Variants in EMCN observed in about 807,000 individuals in gnomAD.
EMCN encodes MUC-14.
In EMCN, 37 loss-of-function variants were observed where a neutral mutation model predicts 38.4. The ratio of observed to expected loss-of-function variants is 0.96; its 90% confidence interval spans 0.74 to 1.27. EMCN has a LOEUF of 1.27. Among genes scored for constraint, EMCN ranks in the 50% most tolerant of loss-of-function variants. The pLI is 0.00. For missense variants in EMCN, 318 were observed against 302.8 expected (o/e 1.05, Z -0.37); for synonymous variants, 95 against 100.8 (o/e 0.94, Z 0.35).
chr4:100,417,126 C>T lies in EMCN; in HGVS notation c.680G>A (p.Gly227Glu). 2 of 1,613,742 alleles carry T rather than the reference C, an allele frequency of 1.2e-6. No homozygotes were observed. Among genetic ancestry groups the T allele is most frequent in the Non-Finnish European group, 1.7e-6 (2 of 1,179,752 alleles). ...WKADPGTPEN[G>E]NDQPQSDKES... ...ATATGGGCTTACTTACTGATCATTT[C>T]CATTTTCTGGTGTGCCTAGGAGAAG... Residue 227 changes from glycine (G) to glutamate (E), a missense_variant, in exon 9 of 12, where the codon GGA becomes GAA. By Grantham distance (98) the Gly-to-Glu change is moderately conservative. Transcript: ENST00000296420.
intron 1 of EMCN, among the ~76,000 whole-genome samples, chr4:100,512,806 C>CAA (rs201517827): frequency 4.8e-5 from 4 of 83,440 alleles, no homozygotes; most frequent in Admixed American, 1.4e-4. Context: ...AACTCCATCT[C>CAA]AAAAAAAAAA....
At chr4:100,439,284 C>G (rs1727441832) in intron 5 of EMCN, among the ~76,000 whole-genome samples, 1 of 151,772 alleles carries the variant, frequency 6.6e-6, no homozygotes. Flanking sequence ...CTTCTTTGAT[C>G]TCTTTATTTG....
At chr4:100,464,924 T>C (rs1728274014) in intron 4 of EMCN, among the ~76,000 whole-genome samples, 1 of 152,130 alleles carries the variant, frequency 6.6e-6, no homozygotes, top group Non-Finnish European at 1.5e-5. Flanking sequence ...CTTTACTTTC[T>C]AAAAGAGTTT....
chr4:100,413,744 T>G (rs1016851310), intron 10 of EMCN, among the ~76,000 whole-genome samples: 1 of 152,186 alleles, frequency 6.6e-6, no homozygotes, highest in South Asian at 2.1e-4. Flanking sequence ...GTTATTTTGG[T>G]AAAAGCAATA....
intron 1 of EMCN, among the ~76,000 whole-genome samples, chr4:100,489,195 T>C (rs780045275): frequency 4.6e-5 from 7 of 152,208 alleles, no homozygotes; most frequent in Admixed American, 1.3e-4. Flanking sequence ...GCTATAGGTT[T>C]AGAACTGTAA....
intron 1 of EMCN, among the ~76,000 whole-genome samples, chr4:100,516,522 A>G (rs3756042): frequency 0.56 from 84,860 of 151,824 alleles, 24,207 homozygotes; most frequent in East Asian, 0.8. Context: ...TTATAAGCTA[A>G]TGCAATAATT....
intron 5 of EMCN, among the ~76,000 whole-genome samples, chr4:100,430,700 T>C (rs1262182688): frequency 1.3e-5 from 2 of 152,158 alleles, no homozygotes; most frequent in Non-Finnish European, 2.9e-5. Flanking sequence ...GAGCACTACT[T>C]TGAGATTCGG....
At position 100,415,894 on chromosome 4, in the gene EMCN, T is replaced by A. The variant is rs759726894; in HGVS notation, c.751+4A>T. 1.3e-6 allele frequency: 2 copies of A among 1,579,710 alleles called. No individual in the cohort carries two copies. Among genetic ancestry groups the A allele is most frequent in the Non-Finnish European group, 1.7e-6 (2 of 1,163,384 alleles). Reference sequence around the variant, plus strand: ...TCATCTAATCAACTTGTCTGGAAACTTACCAGACTCATGAGAAATTGTCTT... The same window carrying A: ...TCATCTAATCAACTTGTCTGGAAACATACCAGACTCATGAGAAATTGTCTT... On this transcript the variant is annotated splice_donor_region_variant and intron_variant, in intron 10 of 11. Coordinates refer to ENST00000296420, the MANE Select transcript of EMCN (RefSeq NM_016242.4).
At chr4:100,502,458 C>G (rs1037710657) in intron 1 of EMCN, among the ~76,000 whole-genome samples, 1 of 152,170 alleles carries the variant, frequency 6.6e-6, no homozygotes, top group African/African-American at 2.4e-5. Flanking sequence ...GGAAATTCCA[C>G]CAAGAAATCT....
chr4:100,513,640 C>T (rs1404034227), intron 1 of EMCN, among the ~76,000 whole-genome samples: 12 of 152,092 alleles, frequency 7.9e-5, no homozygotes, highest in African/African-American at 2.9e-4. Flanking sequence ...ATAAGAATCC[C>T]TTTCCCTTAT....
chr4:100,512,088 G>C (rs368702511), intron 1 of EMCN, among the ~76,000 whole-genome samples: 1 of 152,170 alleles, frequency 6.6e-6, no homozygotes, highest in Admixed American at 6.6e-5. Flanking sequence ...CGGCTGTCAG[G>C]TTACACCCGT....
chr4:100,473,367 T>G (rs1728537401), intron 3 of EMCN, among the ~76,000 whole-genome samples: 1 of 97,528 alleles, frequency 1.0e-5, no homozygotes, highest in East Asian at 2.6e-4. Flanking sequence ...CGTTTCGTGT[T>G]TTTTTGTTTT....
At chr4:100,463,171 T>C (rs935992257) in intron 4 of EMCN, among the ~76,000 whole-genome samples, 2 of 152,150 alleles carry the variant, frequency 1.3e-5, no homozygotes, top group Non-Finnish European at 2.9e-5. Context: ...CTGTCAGAAA[T>C]TATGGGAGTT....
chr4:100,432,132 C>A (rs1727220961), intron 5 of EMCN, among the ~76,000 whole-genome samples: 1 of 151,996 alleles, frequency 6.6e-6, no homozygotes, highest in Non-Finnish European at 1.5e-5. Context: ...ATAAACAGCC[C>A]TTCATCACTT....
In EMCN at chr4:100,423,497, A is replaced by G. The variant is rs1726955099; in HGVS notation, c.416-93T>C. 25 of 838,046 alleles carry G rather than the reference A, an allele frequency of 3.0e-5. No individual in the cohort carries two copies. In the East Asian group the frequency reaches 6.3e-4, roughly 21 times the overall value. The allele number at this position is 838,046 out of a possible 1,614,324, so 51.9% of individuals were successfully genotyped here. Reference sequence around the variant, plus strand: ...ATTCAAACAGTTTGCTTTTCTGAAGATCTGTGAAAACTATTTATTGTCAAA... The same window carrying G: ...ATTCAAACAGTTTGCTTTTCTGAAGGTCTGTGAAAACTATTTATTGTCAAA... On this transcript the variant is annotated intron_variant, in intron 5 of 11. Transcript: ENST00000296420.
intron 1 of EMCN, chr4:100,486,948 T>A (rs940845796): frequency 8.2e-6 from 8 of 970,736 alleles, no homozygotes. Flanking sequence ...TCCATAGTAA[T>A]GAGATATTTT....
chr4:100,434,607 A>G (rs909175779), intron 5 of EMCN, among the ~76,000 whole-genome samples: 3 of 152,230 alleles, frequency 2.0e-5, no homozygotes, highest in South Asian at 2.1e-4. Flanking sequence ...TCTGATGAAC[A>G]TCAATGCAAA....
At chr4:100,491,926 T>G (rs964727982) in intron 1 of EMCN, among the ~76,000 whole-genome samples, 1 of 152,146 alleles carries the variant, frequency 6.6e-6, no homozygotes, top group African/African-American at 2.4e-5. Flanking sequence ...AGAACACCTG[T>G]GAAATTTAGA....
intron 2 of EMCN, among the ~76,000 whole-genome samples, chr4:100,479,336 T>A (rs1179055095): frequency 2.0e-5 from 3 of 152,172 alleles, no homozygotes; most frequent in Admixed American, 6.5e-5. Context: ...GATGGGCAGA[T>A]GCAGTATGCA....
Sources: gnomAD v4.1 joint callset for allele counts (sites outside exome capture counted in the v4.1 genomes callset) on GRCh38, gnomAD v4.1.1 for gene constraint, MANE v1.5 for transcripts, NCBI Gene and HGNC (gene_info 2026-07-23, HGNC 2026-07-21) for gene names.